Variants in DSCAM observed in about 807,000 individuals in gnomAD.
DSCAM encodes the protein cell adhesion molecule DSCAM.
A neutral mutation model predicts 217.7 loss-of-function variants in DSCAM; 47 were observed. That is an observed-to-expected ratio of 0.22 (90% CI 0.17 to 0.28). DSCAM has a LOEUF of 0.28. Among genes scored for constraint, DSCAM ranks in the 10% least tolerant of loss-of-function variants. The pLI, the probability that DSCAM is intolerant of heterozygous loss-of-function variation, is 1.00. For synonymous variants in DSCAM, 1,056 were observed against 1,015.3 expected, an observed-to-expected ratio of 1.04 and a Z score of -0.76; for missense variants, 2,080 against 2,618.3, an observed-to-expected ratio of 0.79 and a Z score of 4.49.
chr21:40,558,545 T>A lies in DSCAM; in HGVS notation c.508+134265A>T, dbSNP rs188995614. ...CTATAGAATGAGAGAGTGAATTATG[T>A]TTTAAATAAACAGAGCAGTCTGCAA... On this transcript the variant is annotated intron_variant, in intron 3 of 32. Coordinates refer to ENST00000400454, the MANE Select transcript of DSCAM (RefSeq NM_001389.5). Among the ~76,000 whole-genome samples the A allele has an allele frequency of 1.9e-3, 292 of 152,294 alleles. 4 individuals carry two copies. The highest frequency in any genetic ancestry group is 6.8e-3 in the African/African-American group (283 of 41,562).
At chr21:40,677,041 A>G (rs1296858958) in intron 3 of DSCAM, among the ~76,000 whole-genome samples, 1 of 152,076 alleles carries the variant, frequency 6.6e-6, no homozygotes, top group Non-Finnish European at 1.5e-5. Flanking sequence ...AGAACTAAAA[A>G]TTTCACCATC....
intron 16 of DSCAM, among the ~76,000 whole-genome samples, chr21:40,154,399 A>G (rs907624188): frequency 5.3e-5 from 8 of 151,956 alleles, no homozygotes; most frequent in African/African-American, 1.9e-4. Flanking sequence ...GATCACAGAC[A>G]TGTCACCATA....
chr21:40,636,134 C>G (rs139485588), intron 3 of DSCAM, among the ~76,000 whole-genome samples: 407 of 152,244 alleles, frequency 2.7e-3, no homozygotes, highest in Non-Finnish European at 4.3e-3. Context: ...CTGAGTGAGG[C>G]CTGGGCACAG....
In DSCAM at chr21:40,544,051, C is replaced by G. The variant is rs917796919; in HGVS notation, c.508+148759G>C. On this transcript the variant is annotated intron_variant, in intron 3 of 32. Transcript: ENST00000400454. Reference sequence around the variant, plus strand: ...TTAGTCAGTGTGAGTTGGGTTTAACCAAGAGGATACCTGGAAGTGAGGGGT... The same window carrying G: ...TTAGTCAGTGTGAGTTGGGTTTAACGAAGAGGATACCTGGAAGTGAGGGGT... Among the ~76,000 whole-genome samples the G allele has an allele frequency of 2.6e-5, 4 of 151,974 alleles. No homozygotes were observed. The South Asian group carries it at 8.3e-4, about 32-fold the overall frequency.
At chr21:40,132,595 G>A (rs957558464) in intron 19 of DSCAM, among the ~76,000 whole-genome samples, 3 of 152,180 alleles carry the variant, frequency 2.0e-5, no homozygotes, top group African/African-American at 7.2e-5. Flanking sequence ...ATTAGTTTGG[G>A]TGTAGACATT....
At chr21:40,628,404 GA>G (rs2089633258) in intron 3 of DSCAM, among the ~76,000 whole-genome samples, 1 of 152,114 alleles carries the variant, frequency 6.6e-6, no homozygotes, top group Non-Finnish European at 1.5e-5. Context: ...ATAAAATGGG[GA>G]TAACAGTAGG....
chr21:40,187,366 A>C, intron 13 of DSCAM, 107 bp from the exon 14 acceptor site: 1 of 1,366,836 alleles, frequency 7.3e-7, no homozygotes. Flanking sequence ...TGCATTAGAC[A>C]AGAACAGAAG....
At chr21:40,588,394 A>T (rs1318052289) in intron 3 of DSCAM, among the ~76,000 whole-genome samples, 9 of 152,220 alleles carry the variant, frequency 5.9e-5, no homozygotes, top group African/African-American at 1.9e-4. Flanking sequence ...CAGAACATCT[A>T]AAGGGGGAAT....
chr21:40,762,559 C>T (rs2091346215), intron 1 of DSCAM, among the ~76,000 whole-genome samples: 1 of 152,150 alleles, frequency 6.6e-6, no homozygotes, highest in Admixed American at 6.5e-5. Flanking sequence ...ACTGTTCCTT[C>T]TGAAATTATT....
chr21:40,658,347 T>C (rs1350821538), intron 3 of DSCAM, among the ~76,000 whole-genome samples: 1 of 152,194 alleles, frequency 6.6e-6, no homozygotes, highest in Non-Finnish European at 1.5e-5. Context: ...CCTTCTAGCT[T>C]TTTGTCAAGC....
chr21:40,498,570 T>C (rs2076137556), intron 3 of DSCAM, among the ~76,000 whole-genome samples: 1 of 149,326 alleles, frequency 6.7e-6, no homozygotes, highest in South Asian at 2.1e-4. Context: ...CATATACCTA[T>C]GTAAACATGA....
intron 24 of DSCAM, 25 bp from the exon 25 acceptor site, chr21:40,080,365 A>G (rs761569390): frequency 3.2e-6 from 5 of 1,539,344 alleles, no homozygotes; most frequent in Non-Finnish European, 3.5e-6. Context: ...AAAGATTCAC[A>G]TGAGCACTGT....
At chr21:40,780,563 TCCC>T (rs1451467747) in intron 1 of DSCAM, among the ~76,000 whole-genome samples, 1 of 151,568 alleles carries the variant, frequency 6.6e-6, no homozygotes, top group African/African-American at 2.4e-5. Flanking sequence ...GAATTTCTAA[TCCC>T]CAGTTGCTCA....
At chr21:40,631,914 G>C (rs899525703) in intron 3 of DSCAM, among the ~76,000 whole-genome samples, 1 of 152,210 alleles carries the variant, frequency 6.6e-6, no homozygotes, top group Non-Finnish European at 1.5e-5. Flanking sequence ...TCGCCACCAT[G>C]GGCAAGTTCT....
chr21:40,033,163 G>T (rs954940663), intron 32 of DSCAM, among the ~76,000 whole-genome samples: 2 of 152,156 alleles, frequency 1.3e-5, no homozygotes, highest in African/African-American at 4.8e-5. Flanking sequence ...TGTGCCTGGG[G>T]GGGAGGAGCC....
At chr21:40,638,752 C>G (rs886512298) in intron 3 of DSCAM, among the ~76,000 whole-genome samples, 8 of 152,166 alleles carry the variant, frequency 5.3e-5, no homozygotes, top group Non-Finnish European at 1.0e-4. Flanking sequence ...CGCGGCTAGA[C>G]AGATGGGACA....
chr21:40,022,712 G>A (rs2088296257), intron 32 of DSCAM, among the ~76,000 whole-genome samples: 1 of 152,034 alleles, frequency 6.6e-6, no homozygotes, highest in South Asian at 2.1e-4. Flanking sequence ...CTGCCTCCAG[G>A]TAGTTTTGTG....
At chr21:40,189,279 G>T (rs771002255) in intron 11 of DSCAM, 41 bp from the exon 12 acceptor site, 48 of 1,458,874 alleles carry the variant, frequency 3.3e-5, no homozygotes, top group Non-Finnish European at 4.3e-5. Flanking sequence ...AGCAAAGCAG[G>T]GTTCTTGATT....
At chr21:40,039,683 G>C (rs968970066) in intron 32 of DSCAM, among the ~76,000 whole-genome samples, 5 of 152,168 alleles carry the variant, frequency 3.3e-5, no homozygotes, top group Non-Finnish European at 7.3e-5. Flanking sequence ...GCTAGACCTT[G>C]AGAAGGAAGT....
Sources: gnomAD v4.1 joint callset for allele counts (sites outside exome capture counted in the v4.1 genomes callset) on GRCh38, gnomAD v4.1.1 for gene constraint, MANE v1.5 for transcripts, NCBI Gene and HGNC (gene_info 2026-07-23, HGNC 2026-07-21) for gene names.